The following TRPM3 variants were observed in gnomAD, a reference collection of about 807,000 sequenced individuals.
TRPM3 encodes long transient receptor potential channel 3.
In TRPM3, 77 loss-of-function variants were observed where a neutral mutation model predicts 181.2. The observed-to-expected ratio is 0.42, with a 90% CI of 0.35 to 0.51. The LOEUF (loss-of-function observed/expected upper bound fraction) is 0.51, where lower values mean the gene tolerates loss of function less well. TRPM3 is among the 20% of genes least tolerant of loss of function. The pLI, the probability that TRPM3 is intolerant of heterozygous loss-of-function variation, is 0.01. For synonymous variants in TRPM3, 745 were observed against 796.4 expected, an observed-to-expected ratio of 0.94 and a Z score of 1.09; for missense variants, 1,759 against 2,196.7, an observed-to-expected ratio of 0.80 and a Z score of 3.98.
At chr9:70,990,616 G>T (rs2097471930) in intron 1 of TRPM3, among the ~76,000 whole-genome samples, 1 of 152,040 alleles carries the variant, frequency 6.6e-6, no homozygotes, top group Admixed American at 6.6e-5. Flanking sequence ...TCAGTCCTGG[G>T]CTATTTTATT....
intron 1 of TRPM3, among the ~76,000 whole-genome samples, chr9:71,218,413 A>C (rs1276248621): frequency 6.6e-6 from 1 of 152,232 alleles, no homozygotes; most frequent in Non-Finnish European, 1.5e-5. Flanking sequence ...TGAGTAAATT[A>C]AAGCATGGTA....
At chr9:70,805,393 G>T (rs1032416848) in intron 6 of TRPM3, among the ~76,000 whole-genome samples, 2 of 151,906 alleles carry the variant, frequency 1.3e-5, no homozygotes, top group Non-Finnish European at 2.9e-5. Context: ...AATTAGCCGG[G>T]CATAGTGGCG....
At chr9:70,537,576 A>G (rs2042117608) in intron 25 of TRPM3, among the ~76,000 whole-genome samples, 171 bp from the exon 26 acceptor site, 1 of 152,238 alleles carries the variant, frequency 6.6e-6, no homozygotes, top group African/African-American at 2.4e-5. Flanking sequence ...ATGCTGTGAA[A>G]GAATCACAGA....
intron 4 of TRPM3, 71 bp from the exon 5 acceptor site, chr9:70,843,198 G>A (rs1242406534): frequency 1.4e-6 from 2 of 1,481,220 alleles, no homozygotes; most frequent in Non-Finnish European, 1.8e-6. Flanking sequence ...AAAGAAAACT[G>A]TGGTAATGGT....
At chr9:70,631,214 C>T (rs2065783348) in intron 12 of TRPM3, among the ~76,000 whole-genome samples, 1 of 152,182 alleles carries the variant, frequency 6.6e-6, no homozygotes, top group African/African-American at 2.4e-5. Flanking sequence ...GAAAAGAGGA[C>T]ATCACCCCAA....
At chr9:71,265,001 A>G (rs2132093223) in intron 1 of TRPM3, among the ~76,000 whole-genome samples, 1 of 152,314 alleles carries the variant, frequency 6.6e-6, no homozygotes, top group East Asian at 1.9e-4. Context: ...TTAACAAAGA[A>G]ATGTATTTAA....
chr9:70,547,369 G>T (rs2045264077), intron 25 of TRPM3, among the ~76,000 whole-genome samples: 2 of 151,804 alleles, frequency 1.3e-5, no homozygotes, highest in Non-Finnish European at 2.9e-5. Context: ...GATTTCACCT[G>T]CCACTCCACT....
rs180689680 is a variant in TRPM3, at chr9:70,904,249, C to A, written c.178-39738G>T. On this transcript the variant is annotated intron_variant, in intron 1 of 25. Transcript: ENST00000677713. ...AAAAATAAAATAAAATACAAAAACA[C>A]CTCACTCTTTTGGCAAACTTGACTA... is the stretch of plus-strand genomic sequence containing the variant. Among the ~76,000 whole-genome samples the A allele has an allele frequency of 8.5e-5, 13 of 152,194 alleles. No individual in the cohort carries two copies. The East Asian group carries it at 2.3e-3, about 27-fold the overall frequency.
rs569884063 is a variant in TRPM3, at chr9:70,599,177, G to A, written c.2797-507C>T. Among the ~76,000 whole-genome samples, 44 of 152,166 alleles carry A rather than the reference G, an allele frequency of 2.9e-4. 1 individual carries two copies. The highest frequency in any genetic ancestry group is 1.1e-3 in the African/African-American group (44 of 41,502). On this transcript the variant is annotated intron_variant, in intron 20 of 25. Coordinates refer to ENST00000677713, the MANE Select transcript of TRPM3 (RefSeq NM_001366145.2). ...TAAGCTCCATCACATCTTACAGATT[G>A]CAGCAGCCTTCTAACTGGTATCCCC...
At chr9:71,134,381 A>G (rs555998514) in intron 1 of TRPM3, among the ~76,000 whole-genome samples, 2 of 152,020 alleles carry the variant, frequency 1.3e-5, no homozygotes, top group East Asian at 1.9e-4. Flanking sequence ...GTGAAACCCC[A>G]TCTCTACTAA....
chr9:70,686,891 C>T (rs2067110161), intron 8 of TRPM3, among the ~76,000 whole-genome samples: 2 of 142,998 alleles, frequency 1.4e-5, no homozygotes, highest in African/African-American at 5.2e-5. Flanking sequence ...ATGATCTTGG[C>T]TCACTGCAGC....
At position 71,420,735 on chromosome 9, in the gene TRPM3, GAAA is replaced by G. The variant is rs1565557112; in HGVS notation, c.183+25915_183+25917del. On this transcript the variant is annotated intron_variant, in intron 1 of 24. Transcript: ENST00000357533. ...AGAAAGAGAGAAAGAGAGAGAGAGA[GAAA>G]GAGAGAGAAAGAGAGAGAAAGAGAG... Among the ~76,000 whole-genome samples the G allele has an allele frequency of 1.7e-3, 97 of 56,624 alleles. 1 individual carries two copies. The highest frequency in any genetic ancestry group is 3.4e-3 in the Non-Finnish European group (80 of 23,768). 37.1% of individuals were successfully genotyped at this position (56,624 alleles called of 152,430 possible). A position where few individuals can be genotyped will look rare whatever the true frequency, so the allele number is the denominator to read the frequency against.
intron 9 of TRPM3, among the ~76,000 whole-genome samples, chr9:70,664,402 A>T (rs2061529231): frequency 1.3e-5 from 2 of 152,136 alleles, no homozygotes; most frequent in Admixed American, 1.3e-4. Flanking sequence ...TTCTTTTCAG[A>T]CACTTCCCTA....
chr9:70,810,298 T>A (rs930645356), intron 6 of TRPM3, among the ~76,000 whole-genome samples: 1 of 148,516 alleles, frequency 6.7e-6, no homozygotes, highest in Non-Finnish European at 1.5e-5. Context: ...GGGTAAATGA[T>A]CAGGAGGCCC....
At chr9:70,833,966 C>T (rs564225071) in intron 5 of TRPM3, among the ~76,000 whole-genome samples, 1 of 151,842 alleles carries the variant, frequency 6.6e-6, no homozygotes, top group Admixed American at 6.6e-5. Flanking sequence ...GATAAAGGAA[C>T]ATGGGGGCTG....
intron 1 of TRPM3, among the ~76,000 whole-genome samples, chr9:71,396,272 AAAAC>A (rs971326605): frequency 8.7e-5 from 13 of 149,430 alleles, no homozygotes; most frequent in Admixed American, 2.7e-4. Context: ...CTAAGAACAA[AAAAC>A]AAACAAACAA....
chr9:70,769,440 T>C (rs1354378273), intron 7 of TRPM3, among the ~76,000 whole-genome samples: 2 of 152,070 alleles, frequency 1.3e-5, no homozygotes, highest in Non-Finnish European at 2.9e-5. Flanking sequence ...GGGGTACACA[T>C]GGAGGTTTGT....
At chr9:70,698,000 G>C (rs1303816831) in intron 8 of TRPM3, among the ~76,000 whole-genome samples, 2 of 152,074 alleles carry the variant, frequency 1.3e-5, no homozygotes, top group Admixed American at 6.5e-5. Flanking sequence ...CTGAGGTCAG[G>C]AGTTCGAGAC....
intron 6 of TRPM3, among the ~76,000 whole-genome samples, chr9:70,787,527 A>G (rs1055168314): frequency 2.8e-5 from 4 of 144,838 alleles, no homozygotes; most frequent in Non-Finnish European, 4.5e-5. Context: ...TGTTAACATT[A>G]AACCTTTCTG....
Sources: allele counts gnomAD v4.1 joint callset (sites outside exome capture counted in the v4.1 genomes callset), GRCh38; gene constraint gnomAD v4.1.1; transcripts MANE v1.5; gene names NCBI Gene and HGNC (gene_info 2026-07-23, HGNC 2026-07-21).